The following SMC5 variants were observed in gnomAD, a reference collection of about 807,000 sequenced individuals.
The protein encoded by SMC5 is structural maintenance of chromosomes 5, also known as structural maintenance of chromosomes protein 5.
In SMC5, 88 loss-of-function variants were observed where a neutral mutation model predicts 148.3. The ratio of observed to expected loss-of-function variants is 0.59; its 90% CI spans 0.50 to 0.71. The LOEUF (loss-of-function observed/expected upper bound fraction) is 0.71. Among genes scored for constraint, SMC5 ranks in the 30% least tolerant of loss-of-function variants. The pLI, the probability that SMC5 is intolerant of heterozygous loss-of-function variation, is 0.00. For missense variants in SMC5, 1,142 were observed against 1,298.9 expected (o/e 0.88, Z 1.86); for synonymous variants, 421 against 432.8 (o/e 0.97, Z 0.34).
rs2118866298 is a variant in SMC5, at chr9:70,352,835, A to G, written c.*504A>G. The G allele has an allele frequency of 6.6e-6, 1 of 152,292 alleles. No individual in the cohort carries two copies. The highest frequency in any genetic ancestry group is 2.4e-5 in the African/African-American group (1 of 41,558). 9.4% of individuals were successfully genotyped at this position (152,292 alleles called of 1,614,324 possible). A position where few individuals can be genotyped will look rare whatever the true frequency, so the allele number is the denominator to read the frequency against. ...GATCTAGTCATTTCTTCCTATTAAA[A>G]AAGATTACCTTATCTCCAGTAGGAA... On this transcript the variant is annotated 3_prime_UTR_variant, in exon 25 of 25. Transcript: ENST00000361138.
chr9:70,315,588 T>C lies in SMC5; in HGVS notation c.1806+10T>C, dbSNP rs575276307. The C allele has an allele frequency of 3.5e-5, 55 of 1,556,392 alleles. No individual in the cohort carries two copies. The South Asian group carries it at 6.3e-4, about 18-fold the overall frequency. On this transcript the variant is annotated intron_variant, in intron 13 of 24. Coordinates refer to ENST00000361138, the MANE Select transcript of SMC5 (RefSeq NM_015110.4). ...AGAAAGAATTGAACGGGTAGGAAAG[T>C]AGTGAATCATGTACTGAATCATGTA... is the stretch of plus-strand genomic sequence containing the variant.
intron 5 of SMC5, 28 bp downstream of exon 5, chr9:70,278,653 T>C (rs779329912): frequency 3.8e-6 from 6 of 1,573,302 alleles, no homozygotes; most frequent in Non-Finnish European, 5.2e-6. Context: ...CTCATTTGTA[T>C]TGTTTCTTAT....
intron 8 of SMC5, among the ~76,000 whole-genome samples, chr9:70,289,832 C>T (rs191722975): frequency 1.9e-4 from 29 of 151,630 alleles, no homozygotes; most frequent in Admixed American, 1.7e-3. Flanking sequence ...TTCCTGTAAT[C>T]CCATGTCAGT....
chr9:70,345,725 G>A (rs1370149104), intron 18 of SMC5, among the ~76,000 whole-genome samples: 1 of 152,104 alleles, frequency 6.6e-6, no homozygotes, highest in Non-Finnish European at 1.5e-5. Context: ...ATTCTTTTGG[G>A]ATGGACTCCA....
At chr9:70,324,493 A>G (rs1323219288) in intron 17 of SMC5, among the ~76,000 whole-genome samples, 2 of 152,186 alleles carry the variant, frequency 1.3e-5, no homozygotes, top group African/African-American at 4.8e-5. Flanking sequence ...ATCTTTTCCC[A>G]AAAACAGAAG....
intron 8 of SMC5, among the ~76,000 whole-genome samples, chr9:70,291,100 G>T (rs769655347): frequency 3.3e-5 from 5 of 149,270 alleles, no homozygotes; most frequent in Non-Finnish European, 3.0e-5. Context: ...TGAATATATT[G>T]TTGGTGTTTG....
At chr9:70,342,147 C>A (rs2036543050) in intron 17 of SMC5, among the ~76,000 whole-genome samples, 1 of 150,314 alleles carries the variant, frequency 6.7e-6, no homozygotes, top group Admixed American at 6.7e-5. Context: ...GGACAAAAAA[C>A]CAAACACCGC....
At chr9:70,260,253 C>T (rs770131467) in intron 1 of SMC5, among the ~76,000 whole-genome samples, 7 of 152,158 alleles carry the variant, frequency 4.6e-5, no homozygotes, top group Non-Finnish European at 7.4e-5. Flanking sequence ...TACAGCCAGC[C>T]GCCACCACGC....
chr9:70,322,180 T>C (rs1017540709), intron 15 of SMC5, among the ~76,000 whole-genome samples: 5 of 150,656 alleles, frequency 3.3e-5, no homozygotes, highest in Admixed American at 2.6e-4. Context: ...AAGCAAGATA[T>C]ATCTATTTAG....
Position 70,275,613 on chromosome 9 carries a change from TTC to T in SMC5, c.381-1693_381-1692del, listed in dbSNP as rs753171465. ...ATCTTAGTTTATTTGATAGTAATCATTCTCTTTTTCTCATTGTTTTCTGATGT... is the reference window on the plus strand; with the variant it reads ...ATCTTAGTTTATTTGATAGTAATCATTCTTTTTCTCATTGTTTTCTGATGT... On this transcript the variant is annotated intron_variant, in intron 3 of 24. Coordinates refer to ENST00000361138, the MANE Select transcript of SMC5 (RefSeq NM_015110.4). Among the ~76,000 whole-genome samples, 47 of 152,248 alleles carry T rather than the reference TTC, an allele frequency of 3.1e-4. 1 individual carries two copies. Among genetic ancestry groups the T allele is most frequent in the African/African-American group, 1.1e-3 (46 of 41,586 alleles).
chr9:70,354,386 C>T lies in SMC5; in HGVS notation c.*2055C>T, dbSNP rs573250350. The T allele has an allele frequency of 6.6e-6, 1 of 152,114 alleles. No individual in the cohort carries two copies. The highest frequency in any genetic ancestry group is 2.1e-4 in the South Asian group (1 of 4,822). 9.4% of individuals were successfully genotyped at this position (152,114 alleles called of 1,614,324 possible). A position where few individuals can be genotyped will look rare whatever the true frequency, so the allele number is the denominator to read the frequency against. On this transcript the variant is annotated 3_prime_UTR_variant, in exon 25 of 25. Coordinates refer to ENST00000361138, the MANE Select transcript of SMC5 (RefSeq NM_015110.4). Reference sequence around the variant, plus strand: ...GACAACAGGCGCGTCCCACCACACCCAGCTAATTTTTTATACTTTTAGTAG... The same window carrying T: ...GACAACAGGCGCGTCCCACCACACCTAGCTAATTTTTTATACTTTTAGTAG...
At chr9:70,275,344 C>T (rs1041049586) in intron 3 of SMC5, among the ~76,000 whole-genome samples, 3 of 152,028 alleles carry the variant, frequency 2.0e-5, no homozygotes, top group South Asian at 2.1e-4. Context: ...CAGGCACTCA[C>T]CACCAGGCCC....
chr9:70,294,249 A>G (rs1217387051), intron 8 of SMC5, among the ~76,000 whole-genome samples: 1 of 152,210 alleles, frequency 6.6e-6, no homozygotes, highest in Non-Finnish European at 1.5e-5. Flanking sequence ...AACTCATCTC[A>G]GAAAGATAGC....
chr9:70,298,925 A>G (rs952979967), intron 9 of SMC5, among the ~76,000 whole-genome samples: 2 of 151,660 alleles, frequency 1.3e-5, no homozygotes, highest in Non-Finnish European at 2.9e-5. Context: ...TTTTGTATTT[A>G]CTCTAGATGT....
At position 70,302,831 on chromosome 9, in the gene SMC5, A is replaced by C. The variant is rs188240459; in HGVS notation, c.1465-2416A>C. 1.5e-4 allele frequency among the ~76,000 whole-genome samples: 23 copies of C among 152,292 alleles called. No homozygotes were observed. The East Asian group carries it at 4.4e-3, about 29-fold the overall frequency. ...TGACCCTACTTGTGTGACTTCCTTG[A>C]GTCTTCCTGAGCAGGTGAAATCCGT... On this transcript the variant is annotated intron_variant, in intron 10 of 24. Coordinates refer to ENST00000361138, the MANE Select transcript of SMC5 (RefSeq NM_015110.4).
chr9:70,291,483 C>G (rs184379997), intron 8 of SMC5, among the ~76,000 whole-genome samples: 343 of 152,280 alleles, frequency 2.3e-3, no homozygotes, highest in African/African-American at 7.8e-3. Flanking sequence ...ATGTACATAG[C>G]CCTGGGCATG....
rs200098327 is a variant in SMC5 at position 70,318,986 on chromosome 9, G to T, written c.2150+23G>T. On this transcript the variant is annotated intron_variant, in intron 15 of 24. Coordinates refer to ENST00000361138, the MANE Select transcript of SMC5 (RefSeq NM_015110.4). Reference sequence around the variant, plus strand: ...AAGGTATCTTTTAGCCTATTCAGGGGGGAGAGCACAAATTACTGTATGGGA... The same window carrying T: ...AAGGTATCTTTTAGCCTATTCAGGGTGGAGAGCACAAATTACTGTATGGGA... The T allele has an allele frequency of 2.0e-4, 322 of 1,580,674 alleles. 4 individuals carry two copies. The East Asian group carries it at 4.9e-3, about 24-fold the overall frequency.
At chr9:70,307,614 T>C (rs2035539982) in intron 11 of SMC5, among the ~76,000 whole-genome samples, 1 of 152,124 alleles carries the variant, frequency 6.6e-6, no homozygotes, top group African/African-American at 2.4e-5. Flanking sequence ...GCAATTCCCC[T>C]GCCTCAGCTT....
intron 7 of SMC5, among the ~76,000 whole-genome samples, chr9:70,285,080 A>G (rs1383194363): frequency 6.6e-6 from 1 of 152,176 alleles, no homozygotes; most frequent in Non-Finnish European, 1.5e-5. Flanking sequence ...CATGATTAGC[A>G]TGTATGATTT....
Sources: gnomAD v4.1 joint callset for allele counts (sites outside exome capture counted in the v4.1 genomes callset) on GRCh38, gnomAD v4.1.1 for gene constraint, MANE v1.5 for transcripts, NCBI Gene and HGNC (gene_info 2026-07-23, HGNC 2026-07-21) for gene names.